Variants in MSRB3 observed in about 807,000 individuals in gnomAD.
MSRB3 encodes the protein methionine sulfoxide reductase B3.
Under a neutral mutation model 21.0 loss-of-function variants are expected in MSRB3, and 13 were observed. The observed-to-expected ratio is 0.62, with a 90% CI of 0.40 to 0.98. The LOEUF (loss-of-function observed/expected upper bound fraction) is 0.98. Ranked by LOEUF, MSRB3 falls within the 50% of genes least tolerant of loss-of-function variation. The pLI, the probability that MSRB3 is intolerant of heterozygous loss-of-function variation, is 0.00. For missense variants in MSRB3, 199 were observed against 230.3 expected (o/e 0.86, Z 0.88); for synonymous variants, 87 against 88.6 (o/e 0.98, Z 0.10).
intron 4 of MSRB3, among the ~76,000 whole-genome samples, chr12:65,348,601 A>G (rs1876698418): frequency 6.6e-6 from 1 of 151,664 alleles, no homozygotes; most frequent in Admixed American, 6.6e-5. Context: ...TTCTGCTCTG[A>G]TCTTAGTTAT....
At chr12:65,287,591 T>C (rs957809816) in intron 1 of MSRB3, among the ~76,000 whole-genome samples, 1 of 152,298 alleles carries the variant, frequency 6.6e-6, no homozygotes, top group African/African-American at 2.4e-5. Flanking sequence ...CAGTCCAGAT[T>C]AGATAGGGAA....
At chr12:65,450,761 C>A (rs1366312753) in intron 5 of MSRB3, among the ~76,000 whole-genome samples, 1 of 152,160 alleles carries the variant, frequency 6.6e-6, no homozygotes, top group Non-Finnish European at 1.5e-5. Flanking sequence ...TTAGTCTCTG[C>A]CTATTACCCT....
chr12:65,442,156 T>C (rs1234360635), intron 5 of MSRB3, among the ~76,000 whole-genome samples: 1 of 151,978 alleles, frequency 6.6e-6, no homozygotes, highest in Admixed American at 6.6e-5. Context: ...TTAAAATATA[T>C]ATAATAGAAT....
At chr12:65,421,826 T>C (rs1193780188) in intron 5 of MSRB3, among the ~76,000 whole-genome samples, 1 of 152,156 alleles carries the variant, frequency 6.6e-6, no homozygotes, top group Non-Finnish European at 1.5e-5. Context: ...CACAAACAAG[T>C]TGGCATAATA....
At chr12:65,435,589 T>C (rs1490675998) in intron 5 of MSRB3, among the ~76,000 whole-genome samples, 1 of 151,938 alleles carries the variant, frequency 6.6e-6, no homozygotes, top group Non-Finnish European at 1.5e-5. Flanking sequence ...CACCTGTTTG[T>C]TCACAGCAGT....
intron 6 of MSRB3, among the ~76,000 whole-genome samples, chr12:65,462,627 A>G (rs185191353): frequency 1.6e-4 from 24 of 152,338 alleles, no homozygotes; most frequent in Non-Finnish European, 1.9e-4. Context: ...ACATAAATCT[A>G]TTGAGCCTTG....
intron 4 of MSRB3, among the ~76,000 whole-genome samples, chr12:65,362,043 A>G (rs1877738533): frequency 6.6e-6 from 1 of 152,212 alleles, no homozygotes; most frequent in African/African-American, 2.4e-5. Context: ...CTTAGTTAAT[A>G]TGTTGGGTTA....
chr12:65,361,589 A>G (rs913963664), intron 4 of MSRB3, among the ~76,000 whole-genome samples: 3 of 152,066 alleles, frequency 2.0e-5, no homozygotes, highest in Non-Finnish European at 4.4e-5. Flanking sequence ...TTATGTCTCA[A>G]TTTGTTCTCC....
At chr12:65,413,499 C>G (rs1320342366) in intron 5 of MSRB3, among the ~76,000 whole-genome samples, 1 of 152,154 alleles carries the variant, frequency 6.6e-6, no homozygotes, top group Admixed American at 6.6e-5. Flanking sequence ...CTGAGATGTT[C>G]TCGTTCCTGT....
chr12:65,360,949 T>A (rs1404539792), intron 4 of MSRB3, among the ~76,000 whole-genome samples: 2 of 152,134 alleles, frequency 1.3e-5, no homozygotes, highest in Non-Finnish European at 2.9e-5. Context: ...CATTTCCAAT[T>A]TCTTCAGCTA....
At chr12:65,324,965 T>C (rs1874918352) in intron 2 of MSRB3, among the ~76,000 whole-genome samples, 1 of 152,164 alleles carries the variant, frequency 6.6e-6, no homozygotes, top group South Asian at 2.1e-4. Flanking sequence ...ATATTTTAAT[T>C]ATGCCATTGA....
rs144486078 is a variant in MSRB3, at chr12:65,382,585, A to G, written c.292+13559A>G. Among the ~76,000 whole-genome samples, 53 of 152,022 alleles carry G rather than the reference A, an allele frequency of 3.5e-4. No homozygotes were observed. The East Asian group carries it at 0.01, about 29-fold the overall frequency. On this transcript the variant is annotated intron_variant, in intron 5 of 6. Coordinates refer to ENST00000308259, the MANE Select transcript of MSRB3 (RefSeq NM_001031679.3). ...TCTACATATTTGCTTTTTCAATTAT[A>G]CTACTTAGGAATTTATTCAATTTTT...
chr12:65,309,375 A>C (rs1282621008), intron 2 of MSRB3, among the ~76,000 whole-genome samples: 2 of 152,214 alleles, frequency 1.3e-5, no homozygotes, highest in Non-Finnish European at 2.9e-5. Context: ...ACATTTTTCC[A>C]TTAGTGTACA....
At chr12:65,407,137 G>C (rs77587077) in intron 5 of MSRB3, among the ~76,000 whole-genome samples, 2,736 of 152,214 alleles carry the variant, frequency 0.018, 89 homozygotes, top group African/African-American at 0.063. Flanking sequence ...AGTGTAGAGA[G>C]TCCAGAACTA....
chr12:65,397,962 T>G (rs565804027), intron 5 of MSRB3, among the ~76,000 whole-genome samples: 1 of 152,360 alleles, frequency 6.6e-6, no homozygotes, highest in South Asian at 2.1e-4. Context: ...GGCTACATAG[T>G]ATTCCATGAT....
chr12:65,340,290 A>T (rs1189170712), intron 4 of MSRB3, among the ~76,000 whole-genome samples: 1 of 152,184 alleles, frequency 6.6e-6, no homozygotes. Context: ...ACAGCAAAAA[A>T]CAGGTTAGTA....
intron 5 of MSRB3, among the ~76,000 whole-genome samples, chr12:65,376,366 G>A (rs1235375105): frequency 1.3e-5 from 2 of 152,072 alleles, no homozygotes; most frequent in African/African-American, 2.4e-5. Flanking sequence ...TGATCCGCCC[G>A]CCTCGGCCTC....
intron 4 of MSRB3, among the ~76,000 whole-genome samples, chr12:65,353,547 C>A (rs1289592188): frequency 6.6e-6 from 1 of 152,014 alleles, no homozygotes; most frequent in Non-Finnish European, 1.5e-5. Context: ...AGGATTGCAA[C>A]CCCTGCCTTT....
At chr12:65,440,039 A>G (rs1882297337) in intron 5 of MSRB3, among the ~76,000 whole-genome samples, 1 of 151,862 alleles carries the variant, frequency 6.6e-6, no homozygotes, top group Non-Finnish European at 1.5e-5. Context: ...CGTAGACAAC[A>G]GTGTAAACGA....
Sources: allele counts gnomAD v4.1 joint callset (sites outside exome capture counted in the v4.1 genomes callset), GRCh38; gene constraint gnomAD v4.1.1; transcripts MANE v1.5; gene names NCBI Gene and HGNC (gene_info 2026-07-23, HGNC 2026-07-21).